ERG: variants seen among roughly 807,000 people sequenced by gnomAD.
ERG encodes transcriptional regulator ERG.
ERG carries 9 observed loss-of-function variants against 55.3 expected under a neutral mutation model. The observed-to-expected ratio is 0.16, with a 90% confidence interval of 0.10 to 0.28. The LOEUF (loss-of-function observed/expected upper bound fraction) is 0.28. Ranked by LOEUF, ERG falls within the 10% of genes least tolerant of loss-of-function variation. The probability of loss-of-function intolerance (pLI) is 1.00; values close to 1 mark genes in which losing one functional copy is unlikely to be tolerated. For synonymous variants in ERG, 223 were observed against 237.3 expected, an observed-to-expected ratio of 0.94 and a Z score of 0.55; for missense variants, 434 against 631.6, an observed-to-expected ratio of 0.69 and a Z score of 3.35.
upstream of ERG, chr21:38,502,485 G>T: frequency 6.2e-6 from 1 of 160,888 alleles, no homozygotes; most frequent in South Asian, 1.6e-4. Context: ...GGAATATTAT[G>T]GGGACTCGAT....
chr21:38,514,714 C>T (rs1471612734), intron 2 of ERG, among the ~76,000 whole-genome samples: 1 of 151,882 alleles, frequency 6.6e-6, no homozygotes, highest in Non-Finnish European at 1.5e-5. Flanking sequence ...CATATTACCG[C>T]ATTTGTCTGA....
chr21:38,628,823 T>C (rs1178945774), intron 1 of ERG, among the ~76,000 whole-genome samples: 1 of 152,206 alleles, frequency 6.6e-6, no homozygotes, highest in African/African-American at 2.4e-5. Flanking sequence ...TCACACCATT[T>C]CTCATTAAAC....
At chr21:38,457,346 G>A (rs149272851) in intron 1 of ERG, among the ~76,000 whole-genome samples, 3,245 of 151,816 alleles carry the variant, frequency 0.021, 129 homozygotes, top group African/African-American at 0.074. Context: ...TGAGGCAGGA[G>A]AATCGCTTGA....
Position 38,445,665 on chromosome 21 carries a change from C to T in ERG, c.19-44G>A, listed in dbSNP as rs373337512. 3.5e-5 allele frequency: 54 copies of T among 1,530,486 alleles called. No individual in the cohort carries two copies. The African/African-American group carries it at 6.8e-4, about 19-fold the overall frequency. The allele number at this position is 1,530,486 out of a possible 1,614,324, so 94.8% of individuals were successfully genotyped here. On this transcript the variant is annotated intron_variant, in intron 1 of 9. Coordinates refer to ENST00000288319, the MANE Select transcript of ERG (RefSeq NM_182918.4). The stretch of plus-strand genomic sequence containing the variant: ...ACATAATTCAAGACACTCCAACAGA[C>T]AGTCATGTTTCAAAAAGTTGTTGAT...
chr21:38,403,431 G>T, intron 4 of ERG, 75 bp downstream of exon 4: 3 of 1,447,282 alleles, frequency 2.1e-6, no homozygotes, highest in South Asian at 1.2e-5. Context: ...CGACACACCT[G>T]GTTGAACCCT....
chr21:38,438,443 C>T (rs1009987043), intron 2 of ERG, among the ~76,000 whole-genome samples: 3 of 152,320 alleles, frequency 2.0e-5, no homozygotes, highest in Middle Eastern at 3.4e-3. Context: ...AATGACTCCA[C>T]GCATAAACAG....
intron 1 of ERG, among the ~76,000 whole-genome samples, chr21:38,604,847 A>G (rs2836567): frequency 0.072 from 10,882 of 152,194 alleles, 698 homozygotes; most frequent in African/African-American, 0.17. Context: ...TATTAGCCTC[A>G]CTCATGCTGC....
intron 2 of ERG, among the ~76,000 whole-genome samples, chr21:38,526,781 AC>A (rs1307558321): frequency 2.0e-5 from 3 of 152,194 alleles, no homozygotes; most frequent in Non-Finnish European, 2.9e-5. Flanking sequence ...TAAAAATGTT[AC>A]CGTTTAAAAT....
chr21:38,474,003 A>G (rs2059164729), intron 1 of ERG: 1 of 152,184 alleles, frequency 6.6e-6, no homozygotes. Flanking sequence ...ACAGCTAAAG[A>G]AGAGTGGTTA....
intron 2 of ERG, among the ~76,000 whole-genome samples, chr21:38,570,114 T>C (rs891125741): frequency 1.3e-5 from 2 of 152,230 alleles, no homozygotes; most frequent in Admixed American, 6.5e-5. Context: ...TCAGCTTTAC[T>C]AGGTAACACC....
chr21:38,394,369 T>TG (rs1569061589), intron 6 of ERG, among the ~76,000 whole-genome samples: 2 of 151,704 alleles, frequency 1.3e-5, no homozygotes, highest in African/African-American at 4.9e-5. Flanking sequence ...TTTTTTTTTT[T>TG]GGAGGTGGAG....
chr21:38,587,483 C>T (rs372300891), upstream of ERG, among the ~76,000 whole-genome samples: 25 of 152,156 alleles, frequency 1.6e-4, no homozygotes, highest in Admixed American at 5.2e-4. Context: ...CTCAGCCTCC[C>T]GAGTAGCTGG....
intron 2 of ERG, among the ~76,000 whole-genome samples, chr21:38,554,593 T>G (rs1296649798): frequency 6.6e-6 from 1 of 152,014 alleles, no homozygotes; most frequent in East Asian, 1.9e-4. Context: ...ATACCACATG[T>G]TTTCACTTAT....
rs1177239256 is a variant in ERG at position 38,381,223 on chromosome 21, C to G, written c.*2180G>C. The G allele has an allele frequency of 3.0e-5, 32 of 1,065,132 alleles. No homozygotes were observed. The highest frequency in any genetic ancestry group is 3.6e-5 in the Non-Finnish European group (32 of 879,244). The allele number at this position is 1,065,132 out of a possible 1,614,324, so 66.0% of individuals were successfully genotyped here. A position where few individuals can be genotyped will look rare whatever the true frequency, so the allele number is the denominator to read the frequency against. On this transcript the variant is annotated 3_prime_UTR_variant, in exon 10 of 10. Coordinates refer to ENST00000288319, the MANE Select transcript of ERG (RefSeq NM_182918.4). ...AGGACTGCAACGTGAAAAAAACAGG[C>G]CCTGAAACAGCTATGAAAAGGGCCA...
chr21:38,532,597 A>G (rs1298103504), intron 2 of ERG, among the ~76,000 whole-genome samples: 3 of 152,220 alleles, frequency 2.0e-5, no homozygotes, highest in Non-Finnish European at 4.4e-5. Context: ...GAGAACAGCC[A>G]AAAGCTAAGA....
chr21:38,600,469 G>A (rs1216044563), intron 1 of ERG, among the ~76,000 whole-genome samples: 1 of 152,152 alleles, frequency 6.6e-6, no homozygotes, highest in Admixed American at 6.5e-5. Context: ...CTCCACAGGA[G>A]AAAGACCCTC....
intron 2 of ERG, among the ~76,000 whole-genome samples, chr21:38,569,017 A>G (rs2059940768): frequency 6.6e-6 from 1 of 152,200 alleles, no homozygotes; most frequent in African/African-American, 2.4e-5. Flanking sequence ...GTGAAGGTGC[A>G]GACTACAGGC....
upstream of ERG, among the ~76,000 whole-genome samples, chr21:38,588,892 AT>A (rs1012129737): frequency 4.2e-5 from 5 of 118,156 alleles, no homozygotes; most frequent in Admixed American, 1.7e-4. Flanking sequence ...TGCCTGGCTA[AT>A]TTTTAAAAAA....
At chr21:38,480,020 G>T (rs1220614427) in intron 1 of ERG, among the ~76,000 whole-genome samples, 1 of 152,090 alleles carries the variant, frequency 6.6e-6, no homozygotes, top group Non-Finnish European at 1.5e-5. Flanking sequence ...CTGAATAAAA[G>T]AAGGGCTACC....
Sources: allele counts gnomAD v4.1 joint callset (sites outside exome capture counted in the v4.1 genomes callset), GRCh38; gene constraint gnomAD v4.1.1; transcripts MANE v1.5; gene names NCBI Gene and HGNC (gene_info 2026-07-23, HGNC 2026-07-21).